ORC1: variants seen among roughly 807,000 people sequenced by gnomAD.
ORC1 encodes the protein origin recognition complex, subunit 1 homolog.
Under a neutral mutation model 98.9 loss-of-function variants are expected in ORC1, and 61 were observed. That is an observed-to-expected ratio of 0.62 (90% CI 0.50 to 0.76). The LOEUF (loss-of-function observed/expected upper bound fraction) is 0.76. ORC1 is among the 30% of genes least tolerant of loss of function. The probability of loss-of-function intolerance (pLI) is 0.00; values close to 1 mark genes in which losing one functional copy is unlikely to be tolerated. For synonymous variants in ORC1, 385 were observed against 406.9 expected (o/e 0.95, Z 0.65); for missense variants, 979 against 1,072.2 (o/e 0.91, Z 1.21).
chr1:52,403,133 A>G (rs998520946), intron 1 of ORC1, among the ~76,000 whole-genome samples: 3 of 152,342 alleles, frequency 2.0e-5, no homozygotes, highest in African/African-American at 4.8e-5. Context: ...CACTGACTGA[A>G]CATTGTGGAT....
chr1:52,392,584 A>T (rs1438702412), intron 6 of ORC1, among the ~76,000 whole-genome samples: 1 of 152,326 alleles, frequency 6.6e-6, no homozygotes, highest in South Asian at 2.1e-4. Context: ...AGAAGTCATT[A>T]TATTAAAAAA....
At chr1:52,388,340 G>T in intron 8 of ORC1, 102 bp downstream of exon 8, 1 of 947,380 alleles carries the variant, frequency 1.1e-6, no homozygotes, top group Non-Finnish European at 1.7e-6. Flanking sequence ...TAACAGATCT[G>T]TCCTCAGATT....
At chr1:52,403,934 T>C (rs1008997619) in intron 1 of ORC1, among the ~76,000 whole-genome samples, 1 of 152,158 alleles carries the variant, frequency 6.6e-6, no homozygotes, top group Non-Finnish European at 1.5e-5. Flanking sequence ...GCTTTACAAA[T>C]GCAGATGGAG....
chr1:52,404,494 G>C, upstream of ORC1: 1 of 359,018 alleles, frequency 2.8e-6, no homozygotes, highest in Non-Finnish European at 5.1e-6. Flanking sequence ...ACACCAACTA[G>C]CTCGCCCCGC....
At chr1:52,404,075 G>GA (rs1038041761) in intron 1 of ORC1, among the ~76,000 whole-genome samples, 171 bp downstream of exon 1, 7 of 152,190 alleles carry the variant, frequency 4.6e-5, no homozygotes. Flanking sequence ...TCGGAGTGTG[G>GA]AACAGAGGAA....
chr1:52,399,332 T>C (rs1036128949), intron 3 of ORC1, among the ~76,000 whole-genome samples: 1 of 151,878 alleles, frequency 6.6e-6, no homozygotes, highest in Non-Finnish European at 1.5e-5. Context: ...CTGCTAAAAA[T>C]ACAAAAAATT....
chr1:52,375,257 A>T (rs1646979439), intron 15 of ORC1, among the ~76,000 whole-genome samples, 173 bp downstream of exon 15: 1 of 152,126 alleles, frequency 6.6e-6, no homozygotes, highest in African/African-American at 2.4e-5. Context: ...ATAGCTCAAT[A>T]AGTGGCAAAT....
In ORC1 at chr1:52,373,274, G is replaced by A; in HGVS notation, c.2493C>T (p.Leu831=). ...CGTTCCTGCTGGGCTCCACAAGCAG[G>A]AGGCGACAGGAGCCCAGGTGAGAAC... ...AVCSHLGSCR[L]LLVEPSRNDL... is the part of the protein sequence containing the mutation. The change falls in exon 17 of 17, where the codon CTC becomes CTT. Residue 831 remains leucine, a synonymous_variant. Coordinates refer to ENST00000371568, the MANE Select transcript of ORC1 (RefSeq NM_004153.4). 1 of 1,614,186 alleles carries A rather than the reference G, an allele frequency of 6.2e-7. No homozygotes were observed. The highest frequency in any genetic ancestry group is 8.5e-7 in the Non-Finnish European group (1 of 1,180,028).
chr1:52,395,524 C>T (rs1647354127), intron 5 of ORC1, among the ~76,000 whole-genome samples: 1 of 152,084 alleles, frequency 6.6e-6, no homozygotes, highest in South Asian at 2.1e-4. Flanking sequence ...TAAACACAAA[C>T]TTTGATAGTT....
chr1:52,381,390 C>CAAAA (rs1647067601), intron 14 of ORC1, among the ~76,000 whole-genome samples: 6 of 152,082 alleles, frequency 3.9e-5, no homozygotes, highest in African/African-American at 9.7e-5. Flanking sequence ...CTATATTGTC[C>CAAAA]CTTTCATCAT....
chr1:52,381,594 C>A, intron 14 of ORC1, 48 bp downstream of exon 14: 2 of 1,602,178 alleles, frequency 1.2e-6, no homozygotes, highest in Non-Finnish European at 1.7e-6. Flanking sequence ...CCAGCAGGTA[C>A]TCAGCAAAGA....
In ORC1 at chr1:52,385,902, T is replaced by C. The variant is rs768870156; in HGVS notation, c.1431A>G (p.Arg477=). Residue 477 remains arginine, a synonymous_variant, in exon 9 of 17, where the codon CGA becomes CGG. Transcript: ENST00000371568. Reference sequence around the variant, plus strand: ...TGGCTGGCTCCTGGGCAGCCAGGCTTCGACTACGGATCTGAGGAGCGGCAC... The same window carrying C: ...TGGCTGGCTCCTGGGCAGCCAGGCTCCGACTACGGATCTGAGGAGCGGCAC... ...PRCAAPQIRS[R]SLAAQEPASV... The C allele has an allele frequency of 1.9e-6, 3 of 1,613,898 alleles. No individual in the cohort carries two copies. Among genetic ancestry groups the C allele is most frequent in the Non-Finnish European group, 2.5e-6 (3 of 1,180,020 alleles).
At chr1:52,405,860 CTAATA>C (rs1647971123), upstream of ORC1, 2 of 1,606,118 alleles carry the variant, frequency 1.2e-6, no homozygotes, top group Non-Finnish European at 1.7e-6. Flanking sequence ...TGTTCACTAG[CTAATA>C]TAAGAGGTTT....
intron 16 of ORC1, among the ~76,000 whole-genome samples, chr1:52,373,996 T>G (rs1646965450): frequency 6.6e-6 from 1 of 152,216 alleles, no homozygotes; most frequent in Non-Finnish European, 1.5e-5. Flanking sequence ...TCTAAATATC[T>G]ATGAGTCTAT....
intron 2 of ORC1, among the ~76,000 whole-genome samples, chr1:52,401,848 A>G (rs1647724892): frequency 6.6e-6 from 1 of 152,208 alleles, no homozygotes; most frequent in Non-Finnish European, 1.5e-5. Flanking sequence ...AAAAACATCT[A>G]TCATCTCGTT....
intron 13 of ORC1, 88 bp downstream of exon 13, chr1:52,383,332 A>G: frequency 1.3e-6 from 2 of 1,507,608 alleles, no homozygotes; most frequent in East Asian, 2.3e-5. Flanking sequence ...TACAGGCGTG[A>G]GCCACCACAC....
At chr1:52,408,829 C>A, upstream of ORC1, 2 of 1,110,618 alleles carry the variant, frequency 1.8e-6, no homozygotes, top group East Asian at 2.5e-5. Context: ...CAGGTTTTCC[C>A]TTGTCCCTCA....
intron 5 of ORC1, 62 bp from the exon 6 acceptor site, chr1:52,393,865 AT>A: frequency 6.6e-7 from 1 of 1,522,292 alleles, no homozygotes; most frequent in Non-Finnish European, 9.0e-7. Flanking sequence ...CCACAATCTC[AT>A]CACAGCCAAA....
In ORC1 at chr1:52,389,197, C is replaced by T. The variant is rs756529283; in HGVS notation, c.1187+20G>A. ...AGAGATGGCAGCAATGTTTCTCTGC[C>T]TGCCAAGGAGTAGTCTTACCGAAGC... is the stretch of plus-strand genomic sequence containing the variant. On this transcript the variant is annotated intron_variant, in intron 7 of 16. Coordinates refer to ENST00000371568, the MANE Select transcript of ORC1 (RefSeq NM_004153.4). 16 of 1,565,934 alleles carry T rather than the reference C, an allele frequency of 1.0e-5. No homozygotes were observed. The South Asian group carries it at 1.7e-4, about 16-fold the overall frequency.
Sources: gnomAD v4.1 joint callset for allele counts (sites outside exome capture counted in the v4.1 genomes callset) on GRCh38, gnomAD v4.1.1 for gene constraint, MANE v1.5 for transcripts, NCBI Gene and HGNC (gene_info 2026-07-23, HGNC 2026-07-21) for gene names.